PLCH1: variants seen among roughly 807,000 people sequenced by gnomAD.
The protein encoded by PLCH1 is phospholipase C eta 1.
A neutral mutation model predicts 126.7 loss-of-function variants in PLCH1; 60 were observed. The observed-to-expected ratio is 0.47, with a 90% CI of 0.38 to 0.59. The LOEUF is 0.59. Ranked by LOEUF, PLCH1 falls within the 20% of genes least tolerant of loss-of-function variation. The probability of loss-of-function intolerance (pLI) is 0.00; values close to 1 mark genes in which losing one functional copy is unlikely to be tolerated. For missense variants in PLCH1, 1,723 were observed against 2,040.0 expected, an observed-to-expected ratio of 0.84 and a Z score of 2.99; for synonymous variants, 719 against 734.9, an observed-to-expected ratio of 0.98 and a Z score of 0.35.
chr3:155,675,254 T>C (rs1389243356), intron 2 of PLCH1, among the ~76,000 whole-genome samples: 5 of 152,180 alleles, frequency 3.3e-5, no homozygotes, highest in Non-Finnish European at 7.4e-5. Flanking sequence ...TAACCTGAAA[T>C]GACAGACAAA....
At chr3:155,453,743 A>G (rs1414097594) in intron 21 of PLCH1, among the ~76,000 whole-genome samples, 1 of 151,480 alleles carries the variant, frequency 6.6e-6, no homozygotes, top group East Asian at 1.9e-4. Context: ...ATAATTTCTG[A>G]TTAATAATTA....
intron 19 of PLCH1, among the ~76,000 whole-genome samples, chr3:155,490,097 C>A (rs1011810388): frequency 2.0e-5 from 3 of 152,170 alleles, no homozygotes; most frequent in African/African-American, 7.2e-5. Context: ...CCTTCAGGGA[C>A]TCCTTGTGAA....
chr3:155,586,158 A>G lies in PLCH1; in HGVS notation c.507T>C (p.Asn169=), dbSNP rs751731077. ...VKQTFEEADK[N]GDGLLNIEEI... ...CTTCAATATTCAGCAAGCCGTCACC[A>G]TTCTTATCAGCTTCCTCAAAGGTCT... The change falls in exon 5 of 23, where the codon AAT becomes AAC. Residue 169 remains asparagine (N), a synonymous_variant. Transcript: ENST00000460012. The G allele has an allele frequency of 1.8e-5, 29 of 1,613,986 alleles. No homozygotes were observed. The highest frequency in any genetic ancestry group is 2.3e-5 in the Non-Finnish European group (27 of 1,179,948).
chr3:155,618,222 G>C (rs1184008407), intron 2 of PLCH1, among the ~76,000 whole-genome samples: 1 of 151,908 alleles, frequency 6.6e-6, no homozygotes, highest in Admixed American at 6.6e-5. Flanking sequence ...TCGTTTTTGA[G>C]GTTTTTTTTA....
chr3:155,582,858 C>G (rs1041889989), intron 6 of PLCH1, among the ~76,000 whole-genome samples: 1 of 151,982 alleles, frequency 6.6e-6, no homozygotes, highest in Non-Finnish European at 1.5e-5. Flanking sequence ...GCTTTGCTGA[C>G]CATAATTCAG....
chr3:155,464,049 G>A (rs956331893), intron 21 of PLCH1, among the ~76,000 whole-genome samples: 1 of 152,222 alleles, frequency 6.6e-6, no homozygotes, highest in Non-Finnish European at 1.5e-5. Context: ...AGGCAGACAT[G>A]TGAAGAGATC....
At chr3:155,617,412 C>CTG (rs1205617035) in intron 2 of PLCH1, among the ~76,000 whole-genome samples, 1 of 152,106 alleles carries the variant, frequency 6.6e-6, no homozygotes, top group African/African-American at 2.4e-5. Flanking sequence ...TGAACCAATA[C>CTG]AACATTAAAA....
chr3:155,551,782 G>C (rs1726183713), intron 9 of PLCH1, among the ~76,000 whole-genome samples: 1 of 151,776 alleles, frequency 6.6e-6, no homozygotes, highest in Non-Finnish European at 1.5e-5. Context: ...GTTAAGAAAG[G>C]AGAGGAAAAG....
intron 6 of PLCH1, among the ~76,000 whole-genome samples, chr3:155,574,039 G>A (rs1031425830): frequency 2.0e-5 from 3 of 151,914 alleles, no homozygotes; most frequent in African/African-American, 4.8e-5. Flanking sequence ...TCAGCCTCCC[G>A]AGTAGCTGGG....
intron 1 of PLCH1, among the ~76,000 whole-genome samples, chr3:155,722,466 TG>T (rs1748026174): frequency 6.6e-6 from 1 of 152,178 alleles, no homozygotes; most frequent in South Asian, 2.1e-4. Flanking sequence ...CTGGCCTAGA[TG>T]TCCTGTTATT....
At chr3:155,720,181 T>C (rs966223559) in intron 1 of PLCH1, among the ~76,000 whole-genome samples, 4 of 152,238 alleles carry the variant, frequency 2.6e-5, no homozygotes, top group Non-Finnish European at 4.4e-5. Flanking sequence ...TATAAACATG[T>C]GTGGTCAAGT....
intron 2 of PLCH1, among the ~76,000 whole-genome samples, chr3:155,636,055 C>A (rs912747742): frequency 6.6e-6 from 1 of 152,182 alleles, no homozygotes; most frequent in African/African-American, 2.4e-5. Context: ...AGCCTCAAAT[C>A]ATTTCATCGT....
rs1731325247 is a variant in PLCH1 at position 155,586,065 on chromosome 3, C to G, written c.600G>C (p.Gln200His). The G allele has an allele frequency of 3.1e-6, 5 of 1,613,696 alleles. No homozygotes were observed. The highest frequency in any genetic ancestry group is 4.2e-6 in the Non-Finnish European group (5 of 1,179,728). Residue 200 changes from glutamine to histidine, a missense_variant and splice_region_variant, in exon 5 of 23, where the codon CAG becomes CAC. By Grantham distance (24) the Gln-to-His change is conservative. Around this residue, in one of 2 missense-constraint regions of PLCH1, gnomAD observed 776 missense variants for 1,062.9 expected, o/e 0.73. Coordinates refer to ENST00000460012, the MANE Select transcript of PLCH1 (RefSeq NM_014996.4). The stretch of plus-strand genomic sequence containing the variant: ...GGCCAGTGAAATTGTGAAAACTTAC[C>G]TGAAACATTTGTCTGACTTTTCTTC... ...LPRRKVRQMF[Q>H]EADTDENQGT...
chr3:155,460,229 T>C (rs1712658733), intron 21 of PLCH1, among the ~76,000 whole-genome samples: 1 of 152,184 alleles, frequency 6.6e-6, no homozygotes, highest in South Asian at 2.1e-4. Flanking sequence ...GGAAAGCTTG[T>C]TCCTCACAAT....
At chr3:155,719,227 T>C (rs970084133) in intron 1 of PLCH1, among the ~76,000 whole-genome samples, 14 of 152,318 alleles carry the variant, frequency 9.2e-5, no homozygotes, top group African/African-American at 3.4e-4. Flanking sequence ...TTTTGAATCC[T>C]CAAAGCTTAG....
intron 2 of PLCH1, among the ~76,000 whole-genome samples, chr3:155,660,544 C>T (rs1742013102): frequency 6.6e-6 from 1 of 152,108 alleles, no homozygotes; most frequent in East Asian, 1.9e-4. Flanking sequence ...CATTTTTGCC[C>T]CTGAAAAACA....
chr3:155,742,823 T>A (rs1045814250), intron 1 of PLCH1: 2 of 154,176 alleles, frequency 1.3e-5, no homozygotes, highest in African/African-American at 4.8e-5. Context: ...ATTTGAAAAG[T>A]GGTATGTTTG....
chr3:155,590,394 C>G (rs888521845), intron 4 of PLCH1, among the ~76,000 whole-genome samples: 1 of 151,942 alleles, frequency 6.6e-6, no homozygotes, highest in Non-Finnish European at 1.5e-5. Flanking sequence ...CTAGCTAACA[C>G]GGTGAAACCC....
At chr3:155,597,238 C>A (rs923401611) in intron 2 of PLCH1, among the ~76,000 whole-genome samples, 5 of 152,192 alleles carry the variant, frequency 3.3e-5, no homozygotes, top group African/African-American at 9.7e-5. Flanking sequence ...TGGAGCAAAT[C>A]TGACTCCCTC....
Sources: allele counts gnomAD v4.1 joint callset (sites outside exome capture counted in the v4.1 genomes callset), GRCh38; gene constraint gnomAD v4.1.1; regional missense constraint gnomAD v4.1.1; transcripts MANE v1.5; gene names NCBI Gene and HGNC (gene_info 2026-07-23, HGNC 2026-07-21).